The following PCDH10 variants were observed in gnomAD, a reference collection of about 807,000 sequenced individuals.
PCDH10 encodes the protein protocadherin 10, also known as protocadherin-10.
In PCDH10, 15 loss-of-function variants were observed where a neutral mutation model predicts 74.4. That is an observed-to-expected ratio of 0.20 (90% CI 0.13 to 0.31). The LOEUF (loss-of-function observed/expected upper bound fraction) is 0.31. Ranked by LOEUF, PCDH10 falls within the 10% of genes least tolerant of loss-of-function variation. The pLI is 1.00. For synonymous variants in PCDH10, 619 were observed against 589.8 expected (o/e 1.05, Z -0.72); for missense variants, 1,260 against 1,390.2 (o/e 0.91, Z 1.49).
rs375593369 is a variant in PCDH10 at position 133,154,929 on chromosome 4, G to T, written c.2703G>T (p.Gln901His). Residue 901 changes from glutamine (Q) to histidine (H), a missense_variant, in exon 3 of 5, where the codon CAG becomes CAT. By Grantham distance (24) the Gln-to-His change is conservative. Around this residue, in one of 11 missense-constraint regions of PCDH10, gnomAD observed 587 missense variants for 616.9 expected, o/e 0.95. Transcript: ENST00000264360. The part of the protein sequence containing the change: ...RPRRVNSSAF[Q>H]EADIVSSKDS... ...TTTGTACTTCTAGTTCTGCATTCCAGGAAGCCGACATAGTAAGCTCTAAGG... is the reference window on the plus strand; with the variant it reads ...TTTGTACTTCTAGTTCTGCATTCCATGAAGCCGACATAGTAAGCTCTAAGG... 4 of 1,610,406 alleles carry T rather than the reference G, an allele frequency of 2.5e-6. No individual in the cohort carries two copies. The highest frequency in any genetic ancestry group is 3.4e-6 in the Non-Finnish European group (4 of 1,176,804).
chr4:133,151,713 T>C lies in PCDH10; in HGVS notation c.1573T>C (p.Leu525=). The change falls in exon 1 of 5, where the codon TTG becomes CTG. Residue 525 remains leucine, a synonymous_variant. Transcript: ENST00000264360. ...YVSINSENGY[L]YALRSFDYEQ... is the part of the protein sequence containing the mutation. ...TTCTATCAACTCTGAGAACGGCTACTTGTACGCCCTGCGCTCCTTCGACTA... is the reference window on the plus strand; with the variant it reads ...TTCTATCAACTCTGAGAACGGCTACCTGTACGCCCTGCGCTCCTTCGACTA... 1 of 1,613,266 alleles carries C rather than the reference T, an allele frequency of 6.2e-7. No individual in the cohort carries two copies. Among genetic ancestry groups the C allele is most frequent in the South Asian group, 1.1e-5 (1 of 91,088 alleles).
In PCDH10 at chr4:133,152,462, A is replaced by T; in HGVS notation, c.2322A>T (p.Gln774His). Residue 774 changes from glutamine to histidine, a missense_variant, in exon 1 of 5, where the codon CAA (glutamine) becomes CAT (histidine). Around this residue, in one of 11 missense-constraint regions of PCDH10, gnomAD observed 587 missense variants for 616.9 expected, o/e 0.95. Coordinates refer to ENST00000264360, the MANE Select transcript of PCDH10 (RefSeq NM_032961.3). ...GGGGSTCCGR[Q>H]ARARKKKLSK... ...GAGGTTCGACCTGCTGTGGCCGCCA[A>T]GCCCGGGCGCGCAAGAAGAAACTCA... 2 of 1,614,144 alleles carry T rather than the reference A, an allele frequency of 1.2e-6. No homozygotes were observed. The highest frequency in any genetic ancestry group is 1.7e-6 in the Non-Finnish European group (2 of 1,180,024).
Position 133,151,247 on chromosome 4 carries a change from G to C in PCDH10, c.1107G>C (p.Glu369Asp), listed in dbSNP as rs139252813. ...SFSTVKEAVS[E>D]GAAPGTVVAL... Reference sequence around the variant, plus strand: ...GCACCGTGAAGGAAGCGGTGAGTGAGGGCGCGGCGCCCGGCACTGTGGTGG... The same window carrying C: ...GCACCGTGAAGGAAGCGGTGAGTGACGGCGCGGCGCCCGGCACTGTGGTGG... The change falls in exon 1 of 5, where the codon GAG (glutamate) becomes GAC (aspartate). Residue 369 changes from glutamate to aspartate, a missense_variant. By Grantham distance (45) the Glu-to-Asp change is conservative. This residue lies in a region of PCDH10 where 112 missense variants were observed against 123.6 expected (regional missense o/e 0.91). Coordinates refer to ENST00000264360, the MANE Select transcript of PCDH10 (RefSeq NM_032961.3). 1 of 1,614,056 alleles carries C rather than the reference G, an allele frequency of 6.2e-7. No homozygotes were observed. Among genetic ancestry groups the C allele is most frequent in the Non-Finnish European group, 8.5e-7 (1 of 1,180,010 alleles).
intron 4 of PCDH10, among the ~76,000 whole-genome samples, chr4:133,179,777 T>C (rs1727374400): frequency 6.6e-6 from 1 of 152,120 alleles, no homozygotes; most frequent in African/African-American, 2.4e-5. Flanking sequence ...AAGGGTCCCA[T>C]GTTCCATAAC....
rs1206942218 is a variant in PCDH10, at chr4:133,194,104, G to A, written c.*3944G>A. On this transcript the variant is annotated 3_prime_UTR_variant, in exon 5 of 5. Coordinates refer to ENST00000264360, the MANE Select transcript of PCDH10 (RefSeq NM_032961.3). ...ATTCTGTATGAATGCAGGTAGATGG[G>A]TGCCGCCAGAGTATTGCAGGCAATA... is the stretch of plus-strand genomic sequence containing the variant. 6.6e-6 allele frequency: 1 copy of A among 151,748 alleles called. No homozygotes were observed. Among genetic ancestry groups the A allele is most frequent in the East Asian group, 1.9e-4 (1 of 5,192 alleles). 9.4% of individuals were successfully genotyped at this position (151,748 alleles called of 1,614,324 possible). A position where few individuals can be genotyped will look rare whatever the true frequency, so the allele number is the denominator to read the frequency against.
chr4:133,199,351 G>A (rs934199847), downstream of PCDH10, among the ~76,000 whole-genome samples: 4 of 149,422 alleles, frequency 2.7e-5, no homozygotes, highest in African/African-American at 7.4e-5. Context: ...AAGATAACTT[G>A]CAAAAATGGA....
In PCDH10 at chr4:133,150,985, A is replaced by G. The variant is rs756420365; in HGVS notation, c.845A>G (p.Asn282Ser). ...GCCACCGACCCGGACGAGGGCCAGA[A>G]CGGTGAGGTCGTGTACTCCTTCAGC... The part of the protein sequence containing the change: ...LNATDPDEGQ[N>S]GEVVYSFSSH... The change falls in exon 1 of 5, where the codon AAC becomes AGC. Residue 282 changes from asparagine to serine, a missense_variant. Asn to Ser is a conservative substitution (Grantham distance 46). Transcript: ENST00000264360. 8 of 1,613,964 alleles carry G rather than the reference A, an allele frequency of 5.0e-6. No homozygotes were observed. The Admixed American group carries it at 1.3e-4, about 27-fold the overall frequency.
intron 4 of PCDH10, among the ~76,000 whole-genome samples, chr4:133,189,833 G>A (rs991802252): frequency 6.6e-6 from 1 of 151,994 alleles, no homozygotes; most frequent in Non-Finnish European, 1.5e-5. Context: ...TGCATAAATA[G>A]TGAAGTGTAG....
At chr4:133,181,800 T>A (rs745804661) in intron 4 of PCDH10, among the ~76,000 whole-genome samples, 7 of 152,102 alleles carry the variant, frequency 4.6e-5, no homozygotes, top group Non-Finnish European at 7.4e-5. Context: ...TCATCAAGTA[T>A]GTAAATAGCC....
At chr4:133,189,315 T>C (rs913660675) in intron 4 of PCDH10, among the ~76,000 whole-genome samples, 1 of 152,158 alleles carries the variant, frequency 6.6e-6, no homozygotes, top group African/African-American at 2.4e-5. Flanking sequence ...TACTGATAGA[T>C]ATGATGCAAC....
chr4:133,199,168 G>A (rs1404563664), downstream of PCDH10, among the ~76,000 whole-genome samples: 1 of 151,516 alleles, frequency 6.6e-6, no homozygotes, highest in African/African-American at 2.4e-5. Flanking sequence ...CGCACCTGTA[G>A]TCCCAGATAC....
At chr4:133,188,490 T>C (rs1227403748) in intron 4 of PCDH10, among the ~76,000 whole-genome samples, 1 of 152,120 alleles carries the variant, frequency 6.6e-6, no homozygotes, top group African/African-American at 2.4e-5. Context: ...TGGAATATTA[T>C]GACCTGGTTA....
chr4:133,167,282 G>T (rs1727103522), intron 4 of PCDH10, among the ~76,000 whole-genome samples: 1 of 151,426 alleles, frequency 6.6e-6, no homozygotes, highest in South Asian at 2.1e-4. Flanking sequence ...TGAAATTGTA[G>T]AACATGTTTT....
At chr4:133,176,012 A>G (rs953126936) in intron 4 of PCDH10, among the ~76,000 whole-genome samples, 4 of 152,184 alleles carry the variant, frequency 2.6e-5, no homozygotes, top group African/African-American at 9.7e-5. Context: ...TAGTAAATAC[A>G]TGCTTGAAAC....
At chr4:133,199,278 A>G (rs186038719), downstream of PCDH10, among the ~76,000 whole-genome samples, 46 of 132,830 alleles carry the variant, frequency 3.5e-4, 1 homozygote, top group Non-Finnish European at 1.6e-5. Context: ...ACAGAGTGAA[A>G]CCCTGTCTCA....
chr4:133,179,163 C>T (rs975130999), intron 4 of PCDH10, among the ~76,000 whole-genome samples: 1 of 152,044 alleles, frequency 6.6e-6, no homozygotes, highest in Admixed American at 6.6e-5. Context: ...AAGTATTAAC[C>T]CTGAGTTCTC....
At position 133,189,377 on chromosome 4, in the gene PCDH10, G is replaced by C. The variant is rs145246206; in HGVS notation, c.3104-764G>C. 1.7e-3 allele frequency among the ~76,000 whole-genome samples: 261 copies of C among 152,134 alleles called. 1 individual carries two copies. Among genetic ancestry groups the C allele is most frequent in the African/African-American group, 5.8e-3 (242 of 41,544 alleles). Reference sequence around the variant, plus strand: ...AATATTACAAAGTTTATGGATAAGGGAAGAAATATTATTTATCATTACAAA... The same window carrying C: ...AATATTACAAAGTTTATGGATAAGGCAAGAAATATTATTTATCATTACAAA... On this transcript the variant is annotated intron_variant, in intron 4 of 4. Coordinates refer to ENST00000264360, the MANE Select transcript of PCDH10 (RefSeq NM_032961.3).
chr4:133,204,772 G>GA (rs1234711033), intron 2 of PCDH10, among the ~76,000 whole-genome samples: 1 of 152,268 alleles, frequency 6.6e-6, no homozygotes, highest in East Asian at 1.9e-4. Context: ...GTGAGGGAGG[G>GA]ATTCCTGCCC....
At position 133,193,579 on chromosome 4, in the gene PCDH10, G is replaced by A. The variant is rs577609714; in HGVS notation, c.*3419G>A. On this transcript the variant is annotated 3_prime_UTR_variant, in exon 5 of 5. Transcript: ENST00000264360. Reference sequence around the variant, plus strand: ...TCTAAACATTATTTACTGGAGCTCAGTTAGTCTTTAAAACAATTACTCAGG... The same window carrying A: ...TCTAAACATTATTTACTGGAGCTCAATTAGTCTTTAAAACAATTACTCAGG... The A allele has an allele frequency of 9.9e-5, 15 of 151,672 alleles. 1 individual carries two copies. Among genetic ancestry groups the A allele is most frequent in the African/African-American group, 3.1e-4 (13 of 41,508 alleles). The allele number at this position is 151,672 out of a possible 1,614,324, so 9.4% of individuals were successfully genotyped here.
Sources: gnomAD v4.1 joint callset for allele counts (sites outside exome capture counted in the v4.1 genomes callset) on GRCh38, gnomAD v4.1.1 for gene constraint, gnomAD v4.1.1 regional missense constraint, MANE v1.5 for transcripts, NCBI Gene and HGNC (gene_info 2026-07-23, HGNC 2026-07-21) for gene names.